MOV10: variants seen among roughly 807,000 people sequenced by gnomAD.
MOV10 encodes Mov10 RNA helicase, also known as RNA helicase MOV-10.
Under a neutral mutation model 108.4 loss-of-function variants are expected in MOV10, and 39 were observed. The ratio of observed to expected loss-of-function variants is 0.36; its 90% CI spans 0.28 to 0.47. The LOEUF (loss-of-function observed/expected upper bound fraction) is 0.47, where lower values mean the gene tolerates loss of function less well. MOV10 is among the 20% of genes least tolerant of loss of function. The probability of loss-of-function intolerance (pLI) is 1.00; values close to 1 mark genes in which losing one functional copy is unlikely to be tolerated. For synonymous variants in MOV10, 490 were observed against 523.1 expected, an observed-to-expected ratio of 0.94 and a Z score of 0.86; for missense variants, 952 against 1,297.6, an observed-to-expected ratio of 0.73 and a Z score of 4.09.
At chr1:112,687,982 C>G (rs546005455) in intron 2 of MOV10, among the ~76,000 whole-genome samples, 92 of 152,204 alleles carry the variant, frequency 6.0e-4, no homozygotes, top group African/African-American at 2.1e-3. Flanking sequence ...CCAGGTAATG[C>G]CCACTCATCC....
intron 5 of MOV10, among the ~76,000 whole-genome samples, chr1:112,690,985 T>C (rs1673529920): frequency 6.6e-6 from 1 of 152,138 alleles, no homozygotes; most frequent in Non-Finnish European, 1.5e-5. Context: ...TACTGAGTTA[T>C]AAAAGCAAAC....
In MOV10 at chr1:112,681,866, T is replaced by A. The variant is rs562378989; in HGVS notation, c.137+6817T>A. ...CAGCTAGAGTTCAAAATTTATGTTA[T>A]GTTTGCCTAGAAATAAAAAAAAATT... is the stretch of plus-strand genomic sequence containing the variant. On this transcript the variant is annotated intron_variant, in intron 2 of 20. Coordinates refer to ENST00000369645, the MANE Select transcript of MOV10 (RefSeq NM_001321324.2). 3.9e-5 allele frequency among the ~76,000 whole-genome samples: 6 copies of A among 152,088 alleles called. No individual in the cohort carries two copies. The East Asian group carries it at 1.2e-3, about 29-fold the overall frequency.
In MOV10 at chr1:112,675,166, T is replaced by C; in HGVS notation, c.137+117T>C. 2 of 1,245,570 alleles carry C rather than the reference T, an allele frequency of 1.6e-6. No individual in the cohort carries two copies. Among genetic ancestry groups the C allele is most frequent in the Non-Finnish European group, 2.2e-6 (2 of 919,408 alleles). 77.2% of individuals were successfully genotyped at this position (1,245,570 alleles called of 1,614,324 possible). A position where few individuals can be genotyped will look rare whatever the true frequency, so the allele number is the denominator to read the frequency against. On this transcript the variant is annotated intron_variant, in intron 2 of 20. Coordinates refer to ENST00000369645, the MANE Select transcript of MOV10 (RefSeq NM_001321324.2). The surrounding 1 kb of genome is among the most constrained non-coding windows in gnomAD (Gnocchi z 4.7). The stretch of plus-strand genomic sequence containing the variant: ...AGAGGGACGCAGCTCCCCCAGCGGC[T>C]CAGGCCAGTCCCGGGGCGGCGCAGA...
chr1:112,688,711 A>G, intron 2 of MOV10: 1 of 1,427,134 alleles, frequency 7.0e-7, no homozygotes, highest in Non-Finnish European at 9.1e-7. Context: ...CACTGTTTAA[A>G]ACAACTGTAT....
rs757401834 is a variant in MOV10, at chr1:112,690,115, A to G, written c.836+17A>G. ...ACCTGACCGGTAACTCCTCCCTCCAACTCAGCCCTGGCTGGGCTCGTATCT... is the reference window on the plus strand; with the variant it reads ...ACCTGACCGGTAACTCCTCCCTCCAGCTCAGCCCTGGCTGGGCTCGTATCT... On this transcript the variant is annotated intron_variant, in intron 5 of 20. Coordinates refer to ENST00000369645, the MANE Select transcript of MOV10 (RefSeq NM_001321324.2). 3 of 1,610,432 alleles carry G rather than the reference A, an allele frequency of 1.9e-6. No individual in the cohort carries two copies. The highest frequency in any genetic ancestry group is 2.5e-6 in the Non-Finnish European group (3 of 1,177,686).
At chr1:112,698,881 G>A (rs937242262) in intron 17 of MOV10, 92 bp downstream of exon 17, 3 of 1,061,674 alleles carry the variant, frequency 2.8e-6, no homozygotes, top group Admixed American at 1.7e-5. Flanking sequence ...TCCAGCCCAC[G>A]TCCCCGTCCC....
At chr1:112,696,087 A>C in intron 11 of MOV10, 61 bp from the exon 12 acceptor site, 2 of 1,153,966 alleles carry the variant, frequency 1.7e-6, no homozygotes, top group Non-Finnish European at 2.6e-6. Context: ...ACCCACAGCC[A>C]GAATCACGGT....
At chr1:112,678,831 A>G (rs1672405799) in intron 2 of MOV10, among the ~76,000 whole-genome samples, 1 of 152,032 alleles carries the variant, frequency 6.6e-6, no homozygotes, top group African/African-American at 2.4e-5. Context: ...AGATTTAGAA[A>G]GATCATTCTG....
At chr1:112,686,641 G>A (rs1570770967) in intron 2 of MOV10, among the ~76,000 whole-genome samples, 2 of 152,058 alleles carry the variant, frequency 1.3e-5, no homozygotes, top group East Asian at 3.9e-4. Flanking sequence ...GTTGCCTCTG[G>A]ACCACAGGAA....
At chr1:112,699,279 G>A (rs942685253) in intron 17 of MOV10, 3 of 241,494 alleles carry the variant, frequency 1.2e-5, no homozygotes, top group Admixed American at 5.2e-5. Context: ...TATGCAGCCA[G>A]GGTTGAAAAC....
In MOV10 at chr1:112,677,938, G is replaced by T. The variant is rs72701107; in HGVS notation, c.137+2889G>T. ...TCATTTAGCAAATATAGTTAATGAG[G>T]CTCTACTGTGTGCCTGTGCCTTGGT... On this transcript the variant is annotated intron_variant, in intron 2 of 20. Coordinates refer to ENST00000369645, the MANE Select transcript of MOV10 (RefSeq NM_001321324.2). Among the ~76,000 whole-genome samples the T allele has an allele frequency of 6.8e-3, 1,033 of 152,164 alleles. 7 individuals are homozygous for T. The highest frequency in any genetic ancestry group is 0.011 in the Non-Finnish European group (752 of 68,014).
intron 5 of MOV10, 133 bp from the exon 6 acceptor site, chr1:112,691,532 C>A (rs905692444): frequency 2.7e-6 from 3 of 1,095,208 alleles, no homozygotes; most frequent in Non-Finnish European, 2.6e-6. Context: ...AGTAGTCCAC[C>A]CTTGGAGCGA....
At position 112,696,688 on chromosome 1, in the gene MOV10, C is replaced by G; in HGVS notation, c.2040C>G (p.Asp680Glu). Residue 680 changes from aspartate to glutamate, a missense_variant, in exon 14 of 21, where the codon GAC (aspartate) becomes GAG (glutamate). Physicochemically the swap from Asp to Glu is conservative, Grantham distance 45. This residue lies in a region of MOV10 where 453 missense variants were observed against 611.5 expected (regional missense o/e 0.74). Coordinates refer to ENST00000369645, the MANE Select transcript of MOV10 (RefSeq NM_001321324.2). The stretch of plus-strand genomic sequence containing the variant: ...GAGGGCAGCTGGTGCTGGCAGGAGA[C>G]CCTCGGCAGCTGGGGCCTGTGCTGC... ...DPGGQLVLAGDPRQLGPVLRS... is the reference protein window; with the variant it reads ...DPGGQLVLAGEPRQLGPVLRS... 6.2e-7 allele frequency: 1 copy of G among 1,609,904 alleles called. No individual in the cohort carries two copies. Among genetic ancestry groups the G allele is most frequent in the Non-Finnish European group, 8.5e-7 (1 of 1,178,198 alleles).
intron 12 of MOV10, 81 bp downstream of exon 12, chr1:112,696,332 T>C (rs1674085117): frequency 2.1e-6 from 3 of 1,430,998 alleles, no homozygotes; most frequent in Admixed American, 1.7e-5. Flanking sequence ...GGAAGAATGG[T>C]TTCCGGAGTG....
intron 19 of MOV10, 88 bp downstream of exon 19, chr1:112,700,070 C>A: frequency 6.3e-7 from 1 of 1,583,730 alleles, no homozygotes; most frequent in South Asian, 1.1e-5. Context: ...GCTTATCGCT[C>A]AGTTAATCCT....
chr1:112,697,276 C>T (rs926121600), intron 14 of MOV10, among the ~76,000 whole-genome samples: 3 of 152,066 alleles, frequency 2.0e-5, no homozygotes, highest in Admixed American at 2.0e-4. Flanking sequence ...TTGAGACCAG[C>T]CTGTCCAACA....
chr1:112,691,707 A>G lies in MOV10; in HGVS notation c.879A>G (p.Thr293=). Residue 293 remains threonine, a synonymous_variant, in exon 6 of 21, where the codon ACA becomes ACG. Transcript: ENST00000369645. ...YDLELSMALG[T]YYPPPRLRQL... ...TGGAGTTAAGTATGGCGCTGGGGAC[A>G]TACTACCCACCTCCCCGCCTCAGGC... The G allele has an allele frequency of 6.2e-7, 1 of 1,614,106 alleles. No homozygotes were observed. Among genetic ancestry groups the G allele is most frequent in the Non-Finnish European group, 8.5e-7 (1 of 1,180,026 alleles).
chr1:112,677,393 G>A (rs901800609), intron 2 of MOV10, among the ~76,000 whole-genome samples: 2 of 151,302 alleles, frequency 1.3e-5, no homozygotes, highest in African/African-American at 4.9e-5. Flanking sequence ...TCAGATTAAA[G>A]AACTTGCCTA....
intron 15 of MOV10, 44 bp from the exon 16 acceptor site, chr1:112,698,243 G>A: frequency 6.2e-7 from 1 of 1,603,938 alleles, no homozygotes; most frequent in East Asian, 2.2e-5. Context: ...AGGGAATAGA[G>A]GGAGGGTGGT....
Sources: gnomAD v4.1 joint callset for allele counts (sites outside exome capture counted in the v4.1 genomes callset) on GRCh38, gnomAD v4.1.1 for gene constraint, gnomAD v4.1.1 regional missense constraint, Gnocchi (gnomAD v3.1) non-coding constraint, MANE v1.5 for transcripts, NCBI Gene and HGNC (gene_info 2026-07-23, HGNC 2026-07-21) for gene names.